Variants in BRINP1 observed in about 807,000 individuals in gnomAD.
BRINP1 encodes BMP/retinoic acid-inducible neural-specific protein 1.
BRINP1 carries 17 observed loss-of-function variants against 72.9 expected under a neutral mutation model. The ratio of observed to expected loss-of-function variants is 0.23; its 90% CI spans 0.16 to 0.35. BRINP1 has a LOEUF of 0.35. Among genes scored for constraint, BRINP1 ranks in the 10% least tolerant of loss-of-function variants. The probability of loss-of-function intolerance (pLI) is 1.00; values close to 1 mark genes in which losing one functional copy is unlikely to be tolerated. For synonymous variants in BRINP1, 418 were observed against 378.5 expected (o/e 1.10, Z -1.21); for missense variants, 850 against 1,001.6 (o/e 0.85, Z 2.04).
intron 2 of BRINP1, among the ~76,000 whole-genome samples, chr9:119,266,511 G>T (rs10984461): frequency 0.11 from 16,224 of 152,230 alleles, 1,179 homozygotes; most frequent in Non-Finnish European, 0.16. Context: ...TTTTTGTGAT[G>T]AAAACATTTT....
rs1275090059 is a variant in BRINP1, at chr9:119,249,093, G to A, written c.276C>T (p.Arg92=). Residue 92 remains arginine, a synonymous_variant, in exon 3 of 8, where the codon CGC becomes CGT. Transcript: ENST00000265922. The part of the protein sequence containing the change: ...NTAIERRDLV[R]HPVPLMPEFQ... ...ACTCCGGCATGAGGGGCACTGGATG[G>A]CGGACCAGATCTCTCCTCTCGATGG... 2.5e-6 allele frequency: 4 copies of A among 1,613,940 alleles called. No homozygotes were observed. The highest frequency in any genetic ancestry group is 2.5e-6 in the Non-Finnish European group (3 of 1,180,032).
chr9:119,206,419 C>CAAAAAAAAAAA (rs56106482), intron 7 of BRINP1, among the ~76,000 whole-genome samples: 1 of 87,178 alleles, frequency 1.1e-5, no homozygotes. Flanking sequence ...GACTCCATCT[C>CAAAAAAAAAAA]AAAAAAAAAA....
intron 1 of BRINP1, among the ~76,000 whole-genome samples, chr9:119,356,243 A>G (rs937579418): frequency 6.6e-6 from 1 of 152,114 alleles, no homozygotes; most frequent in Non-Finnish European, 1.5e-5. Context: ...CTCTGCTCCA[A>G]TGTCACCATC....
chr9:119,356,770 A>C (rs1012151683), intron 1 of BRINP1, among the ~76,000 whole-genome samples: 12 of 150,480 alleles, frequency 8.0e-5, no homozygotes, highest in Non-Finnish European at 1.3e-4. Context: ...GCACCATTGC[A>C]CTCCAGCCTG....
At chr9:119,184,781 C>T (rs2118842373) in intron 7 of BRINP1, among the ~76,000 whole-genome samples, 1 of 152,244 alleles carries the variant, frequency 6.6e-6, no homozygotes, top group East Asian at 1.9e-4. Context: ...ACGAGTAGTA[C>T]CTGGAAGCCC....
intron 2 of BRINP1, among the ~76,000 whole-genome samples, chr9:119,297,815 T>C (rs1830895658): frequency 7.3e-6 from 1 of 137,068 alleles, no homozygotes; most frequent in Non-Finnish European, 1.7e-5. Flanking sequence ...TTTCCCTTTC[T>C]AATAATTAAT....
intron 1 of BRINP1, among the ~76,000 whole-genome samples, chr9:119,331,528 G>A (rs928342464): frequency 1.3e-5 from 2 of 152,230 alleles, no homozygotes; most frequent in Admixed American, 1.3e-4. Flanking sequence ...GGTTCCAGTA[G>A]AATTTAATTG....
chr9:119,254,741 C>T (rs549328926), intron 2 of BRINP1, among the ~76,000 whole-genome samples: 149 of 152,244 alleles, frequency 9.8e-4, no homozygotes, highest in Non-Finnish European at 1.6e-3. Flanking sequence ...ATTTTTCAGC[C>T]ACAGGTACCT....
chr9:119,337,639 T>G (rs10984495), intron 1 of BRINP1, among the ~76,000 whole-genome samples: 39,037 of 152,214 alleles, frequency 0.26, 6,048 homozygotes, highest in Non-Finnish European at 0.34. Flanking sequence ...TGCTTTTGCT[T>G]TCTAACCAGA....
intron 6 of BRINP1, among the ~76,000 whole-genome samples, chr9:119,211,603 G>A (rs1829929452): frequency 6.6e-6 from 1 of 152,166 alleles, no homozygotes. Context: ...CCCACACTCT[G>A]GAGCCATCAA....
At chr9:119,352,910 G>C (rs1831520259) in intron 1 of BRINP1, among the ~76,000 whole-genome samples, 1 of 152,158 alleles carries the variant, frequency 6.6e-6, no homozygotes, top group Admixed American at 6.5e-5. Context: ...GAGGTTTCCA[G>C]ACCCTTTTCT....
At chr9:119,229,406 G>A (rs1028960863) in intron 5 of BRINP1, among the ~76,000 whole-genome samples, 5 of 151,940 alleles carry the variant, frequency 3.3e-5, no homozygotes, top group Non-Finnish European at 5.9e-5. Flanking sequence ...ATAGAGGCTC[G>A]GAGGCTGCAG....
At chr9:119,274,300 T>G (rs1166574005) in intron 2 of BRINP1, among the ~76,000 whole-genome samples, 1 of 152,220 alleles carries the variant, frequency 6.6e-6, no homozygotes, top group African/African-American at 2.4e-5. Context: ...TTTGCTGGCC[T>G]TAAGTGATCC....
chr9:119,211,190 T>C (rs1829923256), intron 6 of BRINP1, among the ~76,000 whole-genome samples: 1 of 151,494 alleles, frequency 6.6e-6, no homozygotes, highest in Non-Finnish European at 1.5e-5. Flanking sequence ...ATTTATTTAT[T>C]TATTTATTTA....
chr9:119,265,604 AAAACAAACAAAC>A (rs200640638), intron 2 of BRINP1, among the ~76,000 whole-genome samples: 1 of 152,036 alleles, frequency 6.6e-6, no homozygotes, highest in Non-Finnish European at 1.5e-5. Context: ...CTCAATTACC[AAAACAAACAAAC>A]AAACAAACAA....
intron 1 of BRINP1, among the ~76,000 whole-genome samples, chr9:119,366,635 A>G (rs1361331704): frequency 6.6e-6 from 1 of 151,426 alleles, no homozygotes; most frequent in Non-Finnish European, 1.5e-5. Flanking sequence ...AAACCCTGAA[A>G]TGCATCTCTG....
Position 119,246,895 on chromosome 9 carries a change from G to A in BRINP1, c.409+2065C>T, listed in dbSNP as rs147172713. Among the ~76,000 whole-genome samples the A allele has an allele frequency of 3.0e-3, 461 of 152,300 alleles. 2 individuals are homozygous for A. The highest frequency in any genetic ancestry group is 0.01 in the African/African-American group (426 of 41,578). On this transcript the variant is annotated intron_variant, in intron 3 of 7. Transcript: ENST00000265922. ...ACTGAGGGCTGAGGGAACATTTAGG[G>A]CCTACTGTCCAACACCAGATCTCAA...
At chr9:119,288,798 G>GT (rs879743985) in intron 2 of BRINP1, among the ~76,000 whole-genome samples, 1,773 of 148,014 alleles carry the variant, frequency 0.012, 36 homozygotes, top group African/African-American at 0.039. Context: ...GTTTTGTTTT[G>GT]TTTTTTTTTT....
At chr9:119,186,344 C>A (rs1829620404) in intron 7 of BRINP1, among the ~76,000 whole-genome samples, 1 of 151,938 alleles carries the variant, frequency 6.6e-6, no homozygotes, top group Non-Finnish European at 1.5e-5. Flanking sequence ...ACACCCAAGT[C>A]AGGAGAGAAG....
Sources: gnomAD v4.1 joint callset for allele counts (sites outside exome capture counted in the v4.1 genomes callset) on GRCh38, gnomAD v4.1.1 for gene constraint, MANE v1.5 for transcripts, NCBI Gene and HGNC (gene_info 2026-07-23, HGNC 2026-07-21) for gene names.